MAP3K20: variants seen among roughly 807,000 people sequenced by gnomAD.
The protein encoded by MAP3K20 is mitogen-activated protein kinase kinase kinase 20.
In MAP3K20, 40 loss-of-function variants were observed where a neutral mutation model predicts 85.7. That is an observed-to-expected ratio of 0.47 (90% CI 0.36 to 0.61). MAP3K20 has a LOEUF of 0.61. MAP3K20 is among the 20% of genes least tolerant of loss of function. The pLI is 0.00. For missense variants in MAP3K20, 817 were observed against 961.7 expected, an observed-to-expected ratio of 0.85 and a Z score of 1.99; for synonymous variants, 325 against 327.7, an observed-to-expected ratio of 0.99 and a Z score of 0.09.
intron 10 of MAP3K20, chr2:173,211,135 A>G (rs1303923917): frequency 6.6e-6 from 1 of 152,232 alleles, no homozygotes; most frequent in Non-Finnish European, 1.5e-5. Context: ...TACTCTTAAG[A>G]CAAAGACCAG....
In MAP3K20 at chr2:173,174,522, C is replaced by T. The variant is rs528821578; in HGVS notation, c.247+4630C>T. 2.2e-4 allele frequency among the ~76,000 whole-genome samples: 33 copies of T among 152,286 alleles called. No homozygotes were observed. The South Asian group carries it at 2.5e-3, about 11-fold the overall frequency. On this transcript the variant is annotated intron_variant, in intron 3 of 19. Coordinates refer to ENST00000375213, the MANE Select transcript of MAP3K20 (RefSeq NM_016653.3). ...GGTTTCAGTTTCATCCATGTCCCTG[C>T]AAAGGACATGAACTCATCCTTTTTT...
chr2:173,083,978 G>A (rs963745504), intron 1 of MAP3K20, among the ~76,000 whole-genome samples: 3 of 152,146 alleles, frequency 2.0e-5, no homozygotes, highest in Admixed American at 6.5e-5. Flanking sequence ...CAGGAAAAGA[G>A]GAAGGCTCTA....
intron 2 of MAP3K20, among the ~76,000 whole-genome samples, chr2:173,164,362 A>G (rs1689753034): frequency 6.6e-6 from 1 of 152,124 alleles, no homozygotes. Context: ...CTTCTTTTGA[A>G]AAGTGTCTAT....
intron 2 of MAP3K20, among the ~76,000 whole-genome samples, chr2:173,156,455 C>G (rs1172678545): frequency 1.3e-5 from 2 of 152,144 alleles, no homozygotes; most frequent in African/African-American, 4.8e-5. Flanking sequence ...GACAGCAGTC[C>G]CCAACCTTTT....
rs1201257675 is a variant in MAP3K20 at position 173,217,134 on chromosome 2, C to G, written c.871C>G (p.Leu291Val). The G allele has an allele frequency of 3.2e-6, 5 of 1,579,994 alleles. No homozygotes were observed. Among genetic ancestry groups the G allele is most frequent in the Middle Eastern group, 1.7e-4 (1 of 5,898 alleles). The change falls in exon 11 of 20, where the codon CTT becomes GTT. Residue 291 changes from leucine (L) to valine (V), a missense_variant. Physicochemically the swap from Leu to Val is conservative, Grantham distance 32. Around this residue, in one of 4 missense-constraint regions of MAP3K20, gnomAD observed 158 missense variants for 162.0 expected, o/e 0.98. Transcript: ENST00000375213. ...GTGCAGGTGCGAAATTGAGGCAACT[C>G]TTGAGAGGCTAAAGAAACTAGAGCG... is the stretch of plus-strand genomic sequence containing the variant. ...AEWRCEIEAT[L>V]ERLKKLERDL...
At position 173,091,010 on chromosome 2, in the gene MAP3K20, T is replaced by G; in HGVS notation, c.-22T>G. ...TTTCTTTCTGCAGATTTTGTGGAAG[T>G]ATAATACTTTGTCATTATGAGATGT... On this transcript the variant is annotated 5_prime_UTR_variant, in exon 2 of 20. Transcript: ENST00000375213. 6.2e-7 allele frequency: 1 copy of G among 1,600,168 alleles called. No individual in the cohort carries two copies. Among genetic ancestry groups the G allele is most frequent in the Non-Finnish European group, 8.5e-7 (1 of 1,175,058 alleles).
chr2:173,156,794 T>G (rs1429727303), intron 2 of MAP3K20, among the ~76,000 whole-genome samples: 3 of 152,172 alleles, frequency 2.0e-5, no homozygotes, highest in Admixed American at 2.0e-4. Flanking sequence ...TAAAGTAGAA[T>G]GCTGGTGAAA....
intron 2 of MAP3K20, among the ~76,000 whole-genome samples, chr2:173,121,996 GTATTCATTTGAT>G (rs1258103666): frequency 6.6e-6 from 1 of 152,148 alleles, no homozygotes. Flanking sequence ...GCATATAATT[GTATTCATTTGAT>G]TATTGAGGTC....
chr2:173,139,402 A>G (rs552523730), intron 2 of MAP3K20, among the ~76,000 whole-genome samples: 1 of 152,324 alleles, frequency 6.6e-6, no homozygotes, highest in East Asian at 1.9e-4. Flanking sequence ...TCTTTGGGAA[A>G]CTGACTATTA....
chr2:173,225,439 C>A (rs917182366), intron 11 of MAP3K20: 1 of 345,484 alleles, frequency 2.9e-6, no homozygotes, highest in South Asian at 1.2e-4. Context: ...ACTAAAAATA[C>A]AAAAATTGGC....
chr2:173,245,426 C>T (rs2106342684), intron 16 of MAP3K20, among the ~76,000 whole-genome samples: 1 of 152,272 alleles, frequency 6.6e-6, no homozygotes, highest in East Asian at 1.9e-4. Context: ...ACAGCCACAT[C>T]CCTCCAAAGA....
chr2:173,099,407 A>G (rs974234947), intron 2 of MAP3K20, among the ~76,000 whole-genome samples: 11 of 149,246 alleles, frequency 7.4e-5, no homozygotes, highest in Admixed American at 4.0e-4. Flanking sequence ...CTAGCCTCGA[A>G]CTCCTGGGCT....
At chr2:173,242,816 C>T (rs1221062152) in intron 16 of MAP3K20, among the ~76,000 whole-genome samples, 8 of 150,228 alleles carry the variant, frequency 5.3e-5, no homozygotes, top group Non-Finnish European at 1.0e-4. Context: ...AAGCAATTCT[C>T]CTGCCTCAGC....
At chr2:173,214,325 T>A (rs1684005164) in intron 10 of MAP3K20, 2 of 152,220 alleles carry the variant, frequency 1.3e-5, no homozygotes, top group South Asian at 4.1e-4. Context: ...TGTGTCATCC[T>A]GTTGGTCCTG....
At chr2:173,138,810 A>G (rs1405066682) in intron 2 of MAP3K20, among the ~76,000 whole-genome samples, 1 of 152,232 alleles carries the variant, frequency 6.6e-6, no homozygotes. Context: ...ACACTTTAAC[A>G]TTAGCACCAA....
At chr2:173,172,771 A>G (rs888955140) in intron 3 of MAP3K20, among the ~76,000 whole-genome samples, 3 of 152,054 alleles carry the variant, frequency 2.0e-5, no homozygotes, top group Admixed American at 1.3e-4. Flanking sequence ...CCGAAAGAAA[A>G]GATACAATAA....
chr2:173,084,424 C>CAA (rs60463346), intron 1 of MAP3K20, among the ~76,000 whole-genome samples: 3,918 of 136,454 alleles, frequency 0.029, 146 homozygotes, highest in African/African-American at 0.083. Context: ...CCAAAAAGTG[C>CAA]AAAAAAAAAA....
At chr2:173,176,903 T>G (rs1690176941) in intron 3 of MAP3K20, among the ~76,000 whole-genome samples, 1 of 152,160 alleles carries the variant, frequency 6.6e-6, no homozygotes. Context: ...GTAACTATAT[T>G]AAATTTCAGA....
chr2:173,145,523 T>C (rs1023445539), intron 2 of MAP3K20, among the ~76,000 whole-genome samples: 4 of 152,204 alleles, frequency 2.6e-5, no homozygotes, highest in African/African-American at 9.6e-5. Flanking sequence ...GTGAAAGTGT[T>C]CAATGACAGT....
Sources: gnomAD v4.1 joint callset for allele counts (sites outside exome capture counted in the v4.1 genomes callset) on GRCh38, gnomAD v4.1.1 for gene constraint, gnomAD v4.1.1 regional missense constraint, MANE v1.5 for transcripts, NCBI Gene and HGNC (gene_info 2026-07-23, HGNC 2026-07-21) for gene names.